Variants in POLN observed in about 807,000 individuals in gnomAD.
POLN encodes DNA polymerase N.
Under a neutral mutation model 113.5 loss-of-function variants are expected in POLN, and 108 were observed. The ratio of observed to expected loss-of-function variants is 0.95; its 90% confidence interval spans 0.81 to 1.12. The LOEUF (loss-of-function observed/expected upper bound fraction) is 1.12. Ranked by LOEUF, POLN falls within the 50% of genes most tolerant of loss-of-function variation. POLN has a pLI of 0.00. For missense variants in POLN, 1,097 were observed against 1,077.1 expected (o/e 1.02, Z -0.26); for synonymous variants, 386 against 391.5 (o/e 0.99, Z 0.17).
intron 19 of POLN, among the ~76,000 whole-genome samples, chr4:2,099,265 G>A (rs779847029): frequency 5.3e-5 from 8 of 152,210 alleles, no homozygotes; most frequent in Non-Finnish European, 7.3e-5. Flanking sequence ...ATGTGGAATC[G>A]GAGTAGAAGA....
At chr4:2,138,037 T>C (rs958941854) in intron 16 of POLN, among the ~76,000 whole-genome samples, 5 of 152,084 alleles carry the variant, frequency 3.3e-5, no homozygotes, top group African/African-American at 1.2e-4. Context: ...CAAGGTTTCA[T>C]CATGTTGGCC....
At position 2,081,055 on chromosome 4, in the gene POLN, T is replaced by C. The variant is rs1730402289; in HGVS notation, c.2309-19A>G. ...GCGGAGCCTATGGGGCGCGTGGTAC[T>C]GTCTTGAGGTCCCATGGCACACGGT... On this transcript the variant is annotated intron_variant, in intron 22 of 25. Coordinates refer to ENST00000511885, the MANE Select transcript of POLN (RefSeq NM_181808.4). 1.6e-5 allele frequency: 26 copies of C among 1,613,390 alleles called. No individual in the cohort carries two copies. Among genetic ancestry groups the C allele is most frequent in the Non-Finnish European group, 1.9e-5 (23 of 1,179,960 alleles).
intron 3 of POLN, among the ~76,000 whole-genome samples, chr4:2,225,066 G>A (rs946125037): frequency 3.3e-5 from 5 of 151,876 alleles, no homozygotes; most frequent in African/African-American, 7.2e-5. Flanking sequence ...ACATATATAC[G>A]GTCTGTCGTT....
chr4:2,222,998 C>G (rs1292217638), intron 3 of POLN, among the ~76,000 whole-genome samples: 1 of 152,156 alleles, frequency 6.6e-6, no homozygotes, highest in Admixed American at 6.5e-5. Context: ...TGTAGCAGAT[C>G]AGGTTCCCTG....
Position 2,081,726 on chromosome 4 carries a change from T to C in POLN, c.2215A>G (p.Met739Val), listed in dbSNP as rs771816156. ...CHQTGCVVSIMGRRRPLPRIH... is the reference protein window; with the variant it reads ...CHQTGCVVSIVGRRRPLPRIH... ...CTTGGCAGGGGTCTCCTTCTGCCCA[T>C]GATGGACACCACACAGCCTGAGTCA... The change falls in exon 22 of 26, where the codon ATG becomes GTG. Residue 739 changes from methionine (M) to valine (V), a missense_variant. Met to Val is a conservative substitution (Grantham distance 21). Transcript: ENST00000511885. The C allele has an allele frequency of 8.7e-6, 14 of 1,613,828 alleles. No individual in the cohort carries two copies. Among genetic ancestry groups the C allele is most frequent in the African/African-American group, 6.7e-5 (5 of 74,892 alleles).
At chr4:2,238,012 A>T (rs1219443899) in intron 2 of POLN, among the ~76,000 whole-genome samples, 5 of 152,194 alleles carry the variant, frequency 3.3e-5, no homozygotes, top group African/African-American at 1.2e-4. Flanking sequence ...TTTATTAATA[A>T]GAAAACAAAA....
At chr4:2,078,954 G>C (rs1393757990) in intron 23 of POLN, 4 of 983,670 alleles carry the variant, frequency 4.1e-6, no homozygotes, top group East Asian at 1.1e-4. Flanking sequence ...TTTTGAGGCA[G>C]GTTCTTGCCC....
chr4:2,236,884 A>G (rs1205329207), intron 2 of POLN, among the ~76,000 whole-genome samples: 1 of 149,038 alleles, frequency 6.7e-6, no homozygotes, highest in Non-Finnish European at 1.5e-5. Context: ...AATAATAATT[A>G]TAATTATAAT....
In POLN at chr4:2,241,715, A is replaced by T; in HGVS notation, c.-208T>A. 1.0e-6 allele frequency: 1 copy of T among 985,328 alleles called. No homozygotes were observed. The highest frequency in any genetic ancestry group is 1.2e-6 in the Non-Finnish European group (1 of 829,960). 61.0% of individuals were successfully genotyped at this position (985,328 alleles called of 1,614,324 possible). On this transcript the variant is annotated 5_prime_UTR_variant, in exon 2 of 26. Coordinates refer to ENST00000511885, the MANE Select transcript of POLN (RefSeq NM_181808.4). ...GCAAGCCCCAGGGATCCGCGGCCCCAAGGCCGCGATACACCAGACGCGCCA... is the reference window on the plus strand; with the variant it reads ...GCAAGCCCCAGGGATCCGCGGCCCCTAGGCCGCGATACACCAGACGCGCCA...
At chr4:2,193,612 C>T (rs1733507430) in intron 6 of POLN, among the ~76,000 whole-genome samples, 1 of 152,206 alleles carries the variant, frequency 6.6e-6, no homozygotes, top group African/African-American at 2.4e-5. Context: ...TACACCTACT[C>T]TGGGCTCTTT....
Position 2,180,376 on chromosome 4 carries a change from A to G in POLN, c.1022-911T>C, listed in dbSNP as rs35568681. Among the ~76,000 whole-genome samples, 3 of 152,332 alleles carry G rather than the reference A, an allele frequency of 2.0e-5. No homozygotes were observed. The East Asian group carries it at 5.8e-4, about 29-fold the overall frequency. ...GTGACTGCTTTTTAAGTTACTTTAA[A>G]ATTTTGAATTGTGCCATACAAAAGT... On this transcript the variant is annotated intron_variant, in intron 7 of 25. Coordinates refer to ENST00000511885, the MANE Select transcript of POLN (RefSeq NM_181808.4).
intron 13 of POLN, 130 bp downstream of exon 13, chr4:2,170,549 C>G (rs1225500927): frequency 6.9e-6 from 5 of 728,524 alleles, no homozygotes; most frequent in Non-Finnish European, 9.1e-6. Context: ...TGGGGAGCCC[C>G]TCTTCTGCAG....
chr4:2,197,607 G>C (rs1485294428), intron 6 of POLN, among the ~76,000 whole-genome samples: 3 of 152,214 alleles, frequency 2.0e-5, no homozygotes, highest in Non-Finnish European at 4.4e-5. Flanking sequence ...TTAGGGCTCT[G>C]TCCTCACAAG....
At position 2,159,135 on chromosome 4, in the gene POLN, G is replaced by A. The variant is rs760144301; in HGVS notation, c.1611+20C>T. 33 of 1,568,302 alleles carry A rather than the reference G, an allele frequency of 2.1e-5. No homozygotes were observed. Among genetic ancestry groups the A allele is most frequent in the African/African-American group, 4.1e-5 (3 of 73,622 alleles). On this transcript the variant is annotated intron_variant, in intron 14 of 25. Transcript: ENST00000511885. The stretch of plus-strand genomic sequence containing the variant: ...CCCCTCATCACCTTTTACCTTTTAC[G>A]TACAAAAAAATTAACTTACCTGCCT...
At chr4:2,231,810 T>C (rs1284739366) in intron 2 of POLN, 1 of 607,312 alleles carries the variant, frequency 1.6e-6, no homozygotes, top group African/African-American at 2.0e-5. Flanking sequence ...ATAGTTCAAT[T>C]CATCAAATTA....
rs1731612334 is a variant in POLN, at chr4:2,127,503, G to A, written c.1982+610C>T. Among the ~76,000 whole-genome samples, 1 of 152,190 alleles carries A rather than the reference G, an allele frequency of 6.6e-6. No individual in the cohort carries two copies. The highest frequency in any genetic ancestry group is 2.1e-4 in the South Asian group (1 of 4,832). On this transcript the variant is annotated intron_variant, in intron 19 of 25. Coordinates refer to ENST00000511885, the MANE Select transcript of POLN (RefSeq NM_181808.4). The surrounding 1 kb of genome is among the most constrained non-coding windows in gnomAD (Gnocchi z 4.7). ...TTGACTTTCCTGGGCAGAGGAGAGGGGTGAGAGAGAGCCTTGCACCCGTCT... is the reference window on the plus strand; with the variant it reads ...TTGACTTTCCTGGGCAGAGGAGAGGAGTGAGAGAGAGCCTTGCACCCGTCT...
chr4:2,172,646 C>G (rs1000121252), intron 11 of POLN, among the ~76,000 whole-genome samples: 1 of 152,252 alleles, frequency 6.6e-6, no homozygotes, highest in South Asian at 2.1e-4. Flanking sequence ...TATAGCCTCA[C>G]CAAAATGGCT....
intron 4 of POLN, among the ~76,000 whole-genome samples, chr4:2,209,111 CTT>C (rs1382878464): frequency 6.6e-6 from 1 of 152,136 alleles, no homozygotes; most frequent in African/African-American, 2.4e-5. Context: ...TAATTTACAA[CTT>C]CCAAGTAAAA....
chr4:2,130,994 T>C (rs1731713822), intron 17 of POLN, among the ~76,000 whole-genome samples: 1 of 152,192 alleles, frequency 6.6e-6, no homozygotes, highest in Admixed American at 6.5e-5. Flanking sequence ...CTTGACAATA[T>C]GGCAAAGCCT....
Sources: gnomAD v4.1 joint callset for allele counts (sites outside exome capture counted in the v4.1 genomes callset) on GRCh38, gnomAD v4.1.1 for gene constraint, Gnocchi (gnomAD v3.1) non-coding constraint, MANE v1.5 for transcripts, NCBI Gene and HGNC (gene_info 2026-07-23, HGNC 2026-07-21) for gene names.